Variants in CNBD1 observed in about 807,000 individuals in gnomAD.
The protein encoded by CNBD1 is cyclic nucleotide binding domain containing 1.
A neutral mutation model predicts 54.4 loss-of-function variants in CNBD1; 71 were observed. That is an observed-to-expected ratio of 1.30 (90% CI 1.08 to 1.59). The LOEUF is 1.59. CNBD1 is among the 40% of genes most tolerant of loss of function. The probability of loss-of-function intolerance (pLI) is 0.00; values close to 1 mark genes in which losing one functional copy is unlikely to be tolerated. For synonymous variants in CNBD1, 182 were observed against 170.7 expected (o/e 1.07, Z -0.51); for missense variants, 659 against 518.0 (o/e 1.27, Z -2.64).
chr8:86,955,602 CAT>C, intron 4 of CNBD1, among the ~76,000 whole-genome samples: 1 of 151,766 alleles, frequency 6.6e-6, no homozygotes, highest in South Asian at 2.1e-4. Context: ...AGCAGTTTTT[CAT>C]ATGTCTGTTG....
intron 4 of CNBD1, among the ~76,000 whole-genome samples, chr8:87,164,456 G>A (rs902197474): frequency 2.0e-5 from 3 of 151,592 alleles, no homozygotes; most frequent in African/African-American, 7.3e-5. Context: ...TTTAATTACT[G>A]AGTCAATTTC....
chr8:87,015,118 G>A (rs1002961792), intron 4 of CNBD1, among the ~76,000 whole-genome samples: 6 of 152,004 alleles, frequency 3.9e-5, no homozygotes, highest in Non-Finnish European at 5.9e-5. Flanking sequence ...ACTAAAAAAC[G>A]TACATGAATA....
intron 6 of CNBD1, among the ~76,000 whole-genome samples, chr8:87,254,079 A>G (rs1807961242): frequency 6.6e-6 from 1 of 152,202 alleles, no homozygotes; most frequent in Admixed American, 6.5e-5. Flanking sequence ...TGTGACTGGC[A>G]TTACAGAAAT....
At chr8:87,384,491 A>G (rs2130962747), downstream of CNBD1, among the ~76,000 whole-genome samples, 1 of 152,242 alleles carries the variant, frequency 6.6e-6, no homozygotes, top group South Asian at 2.1e-4. Flanking sequence ...TGATATTTTA[A>G]ATGAGGGGAT....
chr8:87,132,200 T>C (rs1198727357), intron 4 of CNBD1, among the ~76,000 whole-genome samples: 2 of 151,800 alleles, frequency 1.3e-5, no homozygotes, highest in Non-Finnish European at 2.9e-5. Flanking sequence ...CTTCATATGT[T>C]AAAAAAACTA....
chr8:87,416,460 C>T (rs1372922403), intron 2 of CNBD1, among the ~76,000 whole-genome samples: 1 of 151,998 alleles, frequency 6.6e-6, no homozygotes, highest in East Asian at 1.9e-4. Flanking sequence ...GCCACATTCC[C>T]TATCCAGCTC....
At chr8:87,320,498 T>C (rs532535404) in intron 8 of CNBD1, among the ~76,000 whole-genome samples, 1 of 152,172 alleles carries the variant, frequency 6.6e-6, no homozygotes, top group South Asian at 2.1e-4. Context: ...AGGCAAATTA[T>C]TTTGCCACGA....
intron 1 of CNBD1, among the ~76,000 whole-genome samples, chr8:86,876,751 T>G (rs924568403): frequency 9.9e-5 from 15 of 152,004 alleles, no homozygotes; most frequent in Non-Finnish European, 2.1e-4. Context: ...ACTTTATATT[T>G]TATAGTTTTA....
At chr8:87,275,544 A>G (rs1407921267) in intron 6 of CNBD1, among the ~76,000 whole-genome samples, 1 of 151,856 alleles carries the variant, frequency 6.6e-6, no homozygotes, top group Non-Finnish European at 1.5e-5. Flanking sequence ...AAAAACTCTC[A>G]ATAAATTAGG....
chr8:87,371,910 C>A (rs1810813278), intron 10 of CNBD1, among the ~76,000 whole-genome samples: 1 of 151,964 alleles, frequency 6.6e-6, no homozygotes, highest in African/African-American at 2.4e-5. Context: ...TGGAAGCATT[C>A]CCTTTGAAAA....
At chr8:87,369,792 T>C (rs1471925555) in intron 10 of CNBD1, among the ~76,000 whole-genome samples, 1 of 151,956 alleles carries the variant, frequency 6.6e-6, no homozygotes, top group South Asian at 2.1e-4. Context: ...TAGTTACATA[T>C]GTATACATGC....
chr8:87,027,956 A>G (rs1809690883), intron 4 of CNBD1, among the ~76,000 whole-genome samples: 1 of 152,132 alleles, frequency 6.6e-6, no homozygotes, highest in South Asian at 2.1e-4. Flanking sequence ...CTGCAAACAA[A>G]AATTCCTTAC....
chr8:87,292,434 T>A (rs985337391), intron 8 of CNBD1, among the ~76,000 whole-genome samples: 3 of 152,226 alleles, frequency 2.0e-5, no homozygotes, highest in Non-Finnish European at 2.9e-5. Flanking sequence ...TTGGTCATCA[T>A]GTTTAATTCT....
chr8:87,342,623 AG>A (rs1202693092), intron 8 of CNBD1, among the ~76,000 whole-genome samples: 5 of 152,160 alleles, frequency 3.3e-5, no homozygotes, highest in Admixed American at 2.0e-4. Flanking sequence ...GGGTATAAAG[AG>A]AGGTAATTTT....
intron 3 of CNBD1, among the ~76,000 whole-genome samples, chr8:86,909,545 A>G (rs1239283234): frequency 6.6e-6 from 1 of 151,880 alleles, no homozygotes; most frequent in African/African-American, 2.4e-5. Context: ...TTTTTATTAT[A>G]CTTTCAGTTC....
At chr8:87,029,763 T>G (rs1809740153) in intron 4 of CNBD1, among the ~76,000 whole-genome samples, 2 of 143,400 alleles carry the variant, frequency 1.4e-5, no homozygotes, top group Admixed American at 6.7e-5. Context: ...TGGAAAATAA[T>G]TATGTTATTA....
intron 1 of CNBD1, among the ~76,000 whole-genome samples, chr8:86,866,941 G>C (rs992875657): frequency 6.6e-6 from 1 of 152,126 alleles, no homozygotes; most frequent in Non-Finnish European, 1.5e-5. Flanking sequence ...TCCCTACCAA[G>C]AGTTGGTCCT....
intron 4 of CNBD1, among the ~76,000 whole-genome samples, chr8:87,059,688 C>G (rs968094918): frequency 6.6e-6 from 1 of 152,222 alleles, no homozygotes; most frequent in Non-Finnish European, 1.5e-5. Flanking sequence ...GATAGCCACT[C>G]CCATGATTCA....
At chr8:86,952,486 C>T (rs2130450465) in intron 4 of CNBD1, among the ~76,000 whole-genome samples, 1 of 151,802 alleles carries the variant, frequency 6.6e-6, no homozygotes, top group Non-Finnish European at 1.5e-5. Flanking sequence ...TAAAATTTTT[C>T]AGAAAAATAT....
Sources: gnomAD v4.1 joint callset for allele counts (sites outside exome capture counted in the v4.1 genomes callset) on GRCh38, gnomAD v4.1.1 for gene constraint, MANE v1.5 for transcripts, NCBI Gene and HGNC (gene_info 2026-07-23, HGNC 2026-07-21) for gene names.